PLEKHM1: variants seen among roughly 807,000 people sequenced by gnomAD.
The protein encoded by PLEKHM1 is pleckstrin homology domain-containing family M member 1.
Under a neutral mutation model 94.3 loss-of-function variants are expected in PLEKHM1, and 28 were observed. The ratio of observed to expected loss-of-function variants is 0.30; its 90% CI spans 0.22 to 0.41. The LOEUF is 0.41. Among genes scored for constraint, PLEKHM1 ranks in the 10% least tolerant of loss-of-function variants. PLEKHM1 has a pLI of 1.00. For missense variants in PLEKHM1, 907 were observed against 1,358.6 expected, an observed-to-expected ratio of 0.67 and a Z score of 5.22; for synonymous variants, 424 against 581.2, an observed-to-expected ratio of 0.73 and a Z score of 3.89.
chr17:45,478,451 C>T (rs1316550834), intron 2 of PLEKHM1, among the ~76,000 whole-genome samples: 1 of 151,978 alleles, frequency 6.6e-6, no homozygotes, highest in Non-Finnish European at 1.5e-5. Context: ...GAACTTAGAG[C>T]CATATAATCT....
Position 45,453,450 on chromosome 17 carries a change from A to G in PLEKHM1, c.2402T>C (p.Leu801Pro), listed in dbSNP as rs763130584. 16 of 1,611,768 alleles carry G rather than the reference A, an allele frequency of 9.9e-6. No individual in the cohort carries two copies. Among genetic ancestry groups the G allele is most frequent in the Non-Finnish European group, 1.4e-5 (16 of 1,178,936 alleles). The change falls in exon 7 of 12, where the codon CTG becomes CCG. Residue 801 changes from leucine (L) to proline (P), a missense_variant. By Grantham distance (98) the Leu-to-Pro change is moderately conservative. Transcript: ENST00000430334. The surrounding 1 kb of genome is among the most constrained non-coding windows in gnomAD (Gnocchi z 4.1). ...GCCATTCTCCCGGGTGGCAAATTTC[A>G]GCACCTCCTGACAGTTTTCATCCAG... Reference protein sequence around the residue: ...GSLDENCQEVLKFATRENGFL... With the variant: ...GSLDENCQEVPKFATRENGFL...
intron 6 of PLEKHM1, among the ~76,000 whole-genome samples, chr17:45,456,856 G>A (rs1056662882): frequency 9.8e-5 from 15 of 152,368 alleles, no homozygotes; most frequent in African/African-American, 3.4e-4. Flanking sequence ...TGGAATTTCA[G>A]TGTGTGGAGA....
At chr17:45,457,315 C>A (rs1271044987) in intron 6 of PLEKHM1, among the ~76,000 whole-genome samples, 7 of 151,936 alleles carry the variant, frequency 4.6e-5, no homozygotes, top group Non-Finnish European at 7.4e-5. Flanking sequence ...GTAATCCCAG[C>A]ACTTTAGGAG....
chr17:45,459,243 A>T (rs1355707443), intron 5 of PLEKHM1: 2 of 152,262 alleles, frequency 1.3e-5, no homozygotes, highest in East Asian at 3.8e-4. Context: ...TCACCCAAAA[A>T]GGAAACCCCG....
intron 7 of PLEKHM1, among the ~76,000 whole-genome samples, chr17:45,452,649 T>G (rs895800313): frequency 2.0e-5 from 3 of 151,758 alleles, no homozygotes; most frequent in Non-Finnish European, 2.9e-5. Flanking sequence ...ACAGAAGTAT[T>G]AGATTTGATG....
In PLEKHM1 at chr17:45,453,270, A is replaced by C; in HGVS notation, c.2497+85T>G. 1 of 1,396,652 alleles carries C rather than the reference A, an allele frequency of 7.2e-7. No individual in the cohort carries two copies. The highest frequency in any genetic ancestry group is 1.0e-6 in the Non-Finnish European group (1 of 1,004,858). 86.5% of individuals were successfully genotyped at this position (1,396,652 alleles called of 1,614,324 possible). ...AGGATGGGGGCATTTGCGGGGAGGCAGAAGGGTGGGGAGCCTAAATCAGGA... is the reference window on the plus strand; with the variant it reads ...AGGATGGGGGCATTTGCGGGGAGGCCGAAGGGTGGGGAGCCTAAATCAGGA... On this transcript the variant is annotated intron_variant, in intron 7 of 11. Transcript: ENST00000430334. The surrounding 1 kb of genome is among the most constrained non-coding windows in gnomAD (Gnocchi z 4.1).
intron 6 of PLEKHM1, chr17:45,454,619 A>G (rs1259864346): frequency 4.0e-6 from 2 of 494,608 alleles, no homozygotes; most frequent in Non-Finnish European, 7.4e-6. Context: ...CCATTTGTGC[A>G]GGAGGTCTCT....
chr17:45,468,203 A>T lies in PLEKHM1; in HGVS notation c.1308+6T>A, dbSNP rs2051379831. On this transcript the variant is annotated splice_donor_region_variant and intron_variant, in intron 5 of 11. Transcript: ENST00000430334. ...GACTGCCCCCTGAACGGCTTGCACC[A>T]CTCACCGGACTGGTGGGTGAGGAAA... 6.2e-7 allele frequency: 1 copy of T among 1,612,602 alleles called. No individual in the cohort carries two copies.
rs557768096 is a variant in PLEKHM1 at position 45,445,329 on chromosome 17, T to C, written c.2837+141A>G. On this transcript the variant is annotated intron_variant, in intron 9 of 11. Transcript: ENST00000430334. The surrounding 1 kb of genome is among the most constrained non-coding windows in gnomAD (Gnocchi z 4.2). Reference sequence around the variant, plus strand: ...TGCATGGGTGTGGATGTCTATGCATTTGTGTATAAATTTATGTGTGTGGGT... The same window carrying C: ...TGCATGGGTGTGGATGTCTATGCATCTGTGTATAAATTTATGTGTGTGGGT... 1 of 723,122 alleles carries C rather than the reference T, an allele frequency of 1.4e-6. No individual in the cohort carries two copies. The highest frequency in any genetic ancestry group is 2.4e-6 in the Non-Finnish European group (1 of 416,528). 44.8% of individuals were successfully genotyped at this position (723,122 alleles called of 1,614,324 possible).
intron 4 of PLEKHM1, among the ~76,000 whole-genome samples, chr17:45,472,830 C>T (rs578176808): frequency 5.9e-5 from 9 of 152,194 alleles, no homozygotes; most frequent in Admixed American, 4.6e-4. Context: ...CACCACCCAA[C>T]GCTGGTGCTC....
chr17:45,458,725 C>A (rs1274423571), intron 5 of PLEKHM1, among the ~76,000 whole-genome samples: 1 of 150,638 alleles, frequency 6.6e-6, no homozygotes, highest in Non-Finnish European at 1.5e-5. Flanking sequence ...CCCACCTCGG[C>A]CTCCCAAAGT....
intron 3 of PLEKHM1, 54 bp downstream of exon 3, chr17:45,477,846 G>A: frequency 1.9e-6 from 3 of 1,604,632 alleles, no homozygotes; most frequent in Non-Finnish European, 8.5e-7. Context: ...AAAGCCAAGT[G>A]TCCCATAGTC....
chr17:45,479,809 T>C (rs2051887632), intron 2 of PLEKHM1, among the ~76,000 whole-genome samples: 1 of 152,250 alleles, frequency 6.6e-6, no homozygotes, highest in South Asian at 2.1e-4. Context: ...GCCTGGCACA[T>C]AGAAATACTC....
At chr17:45,480,813 C>T (rs1270417836) in intron 2 of PLEKHM1, among the ~76,000 whole-genome samples, 1 of 152,182 alleles carries the variant, frequency 6.6e-6, no homozygotes, top group Non-Finnish European at 1.5e-5. Context: ...TTTATTCATC[C>T]ATTCATCAGT....
Position 45,454,353 on chromosome 17 carries a change from C to G in PLEKHM1, c.1580-81G>C, listed in dbSNP as rs2050880182. ...CCAAGGCAGCCTCTGCTGCCTGATGCCCTGCAGTGCATGTGGCCAGTGACT... is the reference window on the plus strand; with the variant it reads ...CCAAGGCAGCCTCTGCTGCCTGATGGCCTGCAGTGCATGTGGCCAGTGACT... On this transcript the variant is annotated intron_variant, in intron 6 of 11. Transcript: ENST00000430334. 5 of 1,279,544 alleles carry G rather than the reference C, an allele frequency of 3.9e-6. No individual in the cohort carries two copies. In the South Asian group the frequency reaches 5.1e-5, roughly 13 times the overall value. 79.3% of individuals were successfully genotyped at this position (1,279,544 alleles called of 1,614,324 possible).
chr17:45,446,670 A>G (rs1038397104), intron 8 of PLEKHM1, among the ~76,000 whole-genome samples: 3 of 152,212 alleles, frequency 2.0e-5, no homozygotes, highest in African/African-American at 7.2e-5. Flanking sequence ...TTTTGATACT[A>G]TTATAAGTGA....
In PLEKHM1 at chr17:45,445,359, G is replaced by A. The variant is rs1345786657; in HGVS notation, c.2837+111C>T. 34 of 809,418 alleles carry A rather than the reference G, an allele frequency of 4.2e-5. No homozygotes were observed. The East Asian group carries it at 9.0e-4, about 21-fold the overall frequency. The allele number at this position is 809,418 out of a possible 1,614,324, so 50.1% of individuals were successfully genotyped here. A position where few individuals can be genotyped will look rare whatever the true frequency, so the allele number is the denominator to read the frequency against. Reference sequence around the variant, plus strand: ...TATAAATTTATGTGTGTGGGTATGTGTGCACATGTGTATGTGTGTCTGTGT... The same window carrying A: ...TATAAATTTATGTGTGTGGGTATGTATGCACATGTGTATGTGTGTCTGTGT... On this transcript the variant is annotated intron_variant, in intron 9 of 11. Coordinates refer to ENST00000430334, the MANE Select transcript of PLEKHM1 (RefSeq NM_014798.3). This position sits in a 1 kb window ranked among gnomAD's most constrained non-coding sequence, Gnocchi z 4.2.
rs1346619150 is a variant in PLEKHM1, at chr17:45,437,728, C to CATCTGAG, written c.*123_*129dup. On this transcript the variant is annotated 3_prime_UTR_variant, in exon 12 of 12. Transcript: ENST00000430334. The surrounding 1 kb of genome is among the most constrained non-coding windows in gnomAD (Gnocchi z 4.0). ...CTCTGGGAGGCCGGTGCTCTGGCCA[C>CATCTGAG]ATCTGAGGGTCTTCCTGACAAGGGG... 1.3e-6 allele frequency: 1 copy of CATCTGAG among 785,594 alleles called. No individual in the cohort carries two copies. The highest frequency in any genetic ancestry group is 2.2e-6 in the Non-Finnish European group (1 of 451,548). The allele number at this position is 785,594 out of a possible 1,614,324, so 48.7% of individuals were successfully genotyped here.
Position 45,477,996 on chromosome 17 carries a change from A to G in PLEKHM1, c.200T>C (p.Ile67Thr). 1 of 1,614,130 alleles carries G rather than the reference A, an allele frequency of 6.2e-7. No individual in the cohort carries two copies. Residue 67 changes from isoleucine to threonine, a missense_variant, in exon 3 of 12, where the codon ATC becomes ACC. Ile to Thr is a moderately conservative substitution (Grantham distance 89, BLOSUM62 -1). Coordinates refer to ENST00000430334, the MANE Select transcript of PLEKHM1 (RefSeq NM_014798.3). ...CCTTTTTCCTCCGGCCTCAGCTCGG[A>G]TGTGCTTGGCGTGCAGGCCATGGAT... ...VFIHGLHAKH[I>T]RAEAGGKRKK...
Sources: allele counts gnomAD v4.1 joint callset (sites outside exome capture counted in the v4.1 genomes callset), GRCh38; gene constraint gnomAD v4.1.1; non-coding constraint Gnocchi (gnomAD v3.1); transcripts MANE v1.5; gene names NCBI Gene and HGNC (gene_info 2026-07-23, HGNC 2026-07-21).